ADK: variants seen among roughly 807,000 people sequenced by gnomAD.
ADK encodes the protein N6,N6-dimethyladenosine kinase.
ADK carries 24 observed loss-of-function variants against 44.7 expected under a neutral mutation model. That is an observed-to-expected ratio of 0.54 (90% confidence interval 0.39 to 0.76). ADK has a LOEUF of 0.76. ADK is among the 30% of genes least tolerant of loss of function. ADK has a pLI of 0.00. For synonymous variants in ADK, 128 were observed against 142.6 expected, an observed-to-expected ratio of 0.90 and a Z score of 0.73; for missense variants, 321 against 425.1, an observed-to-expected ratio of 0.76 and a Z score of 2.15.
chr10:74,351,597 G>T (rs7919517), intron 4 of ADK, among the ~76,000 whole-genome samples: 1 of 151,984 alleles, frequency 6.6e-6, no homozygotes, highest in African/African-American at 2.4e-5. Context: ...GAAATAAAGC[G>T]TATTTAAATA....
intron 6 of ADK, among the ~76,000 whole-genome samples, chr10:74,442,147 T>C (rs1845434170): frequency 6.6e-6 from 1 of 151,330 alleles, no homozygotes; most frequent in Non-Finnish European, 1.5e-5. Flanking sequence ...AAAAAATTAC[T>C]CCCCCACCCC....
rs774436108 is a variant in ADK, at chr10:74,200,885, A to G, written c.140+47A>G. ...TGCACTATGTGGAACTTACATTTGAAGAAGAATGGATGAAAACTTTAGAAG... is the reference window on the plus strand; with the variant it reads ...TGCACTATGTGGAACTTACATTTGAGGAAGAATGGATGAAAACTTTAGAAG... On this transcript the variant is annotated intron_variant, in intron 2 of 10. Coordinates refer to ENST00000539909, the MANE Select transcript of ADK (RefSeq NM_006721.4). 20 of 1,234,114 alleles carry G rather than the reference A, an allele frequency of 1.6e-5. No homozygotes were observed. The East Asian group carries it at 4.0e-4, about 24-fold the overall frequency. The allele number at this position is 1,234,114 out of a possible 1,614,324, so 76.4% of individuals were successfully genotyped here.
intron 6 of ADK, among the ~76,000 whole-genome samples, chr10:74,424,567 A>AAAAAAT (rs1844720770): frequency 7.1e-6 from 1 of 140,072 alleles, no homozygotes; most frequent in Non-Finnish European, 1.6e-5. Flanking sequence ...AAAAAAAAAA[A>AAAAAAT]ATTCCCCTGC....
chr10:74,416,560 TTTTG>T (rs1285601744), intron 6 of ADK, among the ~76,000 whole-genome samples: 26 of 114,444 alleles, frequency 2.3e-4, no homozygotes, highest in Non-Finnish European at 4.8e-4. Flanking sequence ...TTGTTTTTGT[TTTTG>T]TTTCTGTTTT....
At chr10:74,574,122 T>C (rs1453926854) in intron 7 of ADK, among the ~76,000 whole-genome samples, 1 of 151,908 alleles carries the variant, frequency 6.6e-6, no homozygotes, top group Non-Finnish European at 1.5e-5. Context: ...AGCTGTAGAC[T>C]GGAGCTGTTC....
chr10:74,263,963 T>A (rs983705021), intron 3 of ADK, among the ~76,000 whole-genome samples: 1 of 152,228 alleles, frequency 6.6e-6, no homozygotes, highest in African/African-American at 2.4e-5. Context: ...CTTGTACTGA[T>A]CTGTTTATGC....
At chr10:74,609,510 C>T (rs1333769130) in intron 9 of ADK, among the ~76,000 whole-genome samples, 4 of 152,142 alleles carry the variant, frequency 2.6e-5, no homozygotes, top group Admixed American at 2.0e-4. Flanking sequence ...CGACCCCTTG[C>T]ACTTCCCCGG....
chr10:74,242,611 C>G (rs1046889855), intron 3 of ADK, among the ~76,000 whole-genome samples: 1 of 152,162 alleles, frequency 6.6e-6, no homozygotes, highest in African/African-American at 2.4e-5. Context: ...GAAACCCCAC[C>G]TCCAAGGTGA....
intron 7 of ADK, among the ~76,000 whole-genome samples, chr10:74,588,706 T>C (rs1851612564): frequency 6.6e-6 from 1 of 152,196 alleles, no homozygotes; most frequent in African/African-American, 2.4e-5. Context: ...TGATGACAGC[T>C]TGATCCTTCC....
At chr10:74,691,853 A>T (rs1856000213) in intron 10 of ADK, among the ~76,000 whole-genome samples, 1 of 152,002 alleles carries the variant, frequency 6.6e-6, no homozygotes, top group Non-Finnish European at 1.5e-5. Flanking sequence ...CAACATCCTG[A>T]GGTTATATGT....
chr10:74,257,121 C>A (rs1004997897), intron 3 of ADK, among the ~76,000 whole-genome samples: 1 of 152,108 alleles, frequency 6.6e-6, no homozygotes, highest in Non-Finnish European at 1.5e-5. Context: ...TTATAGGTTA[C>A]TGAACTTTAT....
At chr10:74,389,931 C>T (rs1222136665) in intron 4 of ADK, among the ~76,000 whole-genome samples, 1 of 152,066 alleles carries the variant, frequency 6.6e-6, no homozygotes, top group South Asian at 2.1e-4. Flanking sequence ...GTAGTTTGAA[C>T]ATGTAGACTC....
intron 3 of ADK, among the ~76,000 whole-genome samples, chr10:74,247,220 T>G (rs1241103076): frequency 2.9e-5 from 4 of 137,388 alleles, no homozygotes; most frequent in Non-Finnish European, 6.2e-5. Flanking sequence ...TTTTTTTTTT[T>G]TAAGTTTTTT....
At chr10:74,472,552 G>T (rs1010834955) in intron 6 of ADK, among the ~76,000 whole-genome samples, 2 of 152,096 alleles carry the variant, frequency 1.3e-5, no homozygotes, top group Non-Finnish European at 2.9e-5. Context: ...ACAAGGTTCA[G>T]TGCTTCCTTT....
At chr10:74,428,412 C>T (rs186155771) in intron 6 of ADK, among the ~76,000 whole-genome samples, 2 of 152,250 alleles carry the variant, frequency 1.3e-5, no homozygotes, top group East Asian at 3.9e-4. Flanking sequence ...GTTAAGTATA[C>T]AGAATCTAGC....
At chr10:74,604,730 C>T (rs2133976505) in intron 9 of ADK, among the ~76,000 whole-genome samples, 1 of 152,266 alleles carries the variant, frequency 6.6e-6, no homozygotes, top group East Asian at 1.9e-4. Context: ...ATTGTCTTGG[C>T]TATACGGGCT....
chr10:74,665,589 G>A (rs1854916682), intron 9 of ADK, among the ~76,000 whole-genome samples: 2 of 151,940 alleles, frequency 1.3e-5, no homozygotes, highest in Non-Finnish European at 2.9e-5. Context: ...TTAAAAATTA[G>A]CCAGGCATGT....
rs1161213819 is a variant in ADK at position 74,462,408 on chromosome 10, G to GA, written c.556-62841dup. ...AAAATTTTGTAAATCAACCTACAGA[G>GA]AAAAAAAGTATAGAAAGTATTTTGA... On this transcript the variant is annotated intron_variant, in intron 6 of 10. Transcript: ENST00000539909. Among the ~76,000 whole-genome samples, 4 of 152,034 alleles carry GA rather than the reference G, an allele frequency of 2.6e-5. No individual in the cohort carries two copies. The East Asian group carries it at 7.7e-4, about 29-fold the overall frequency.
At chr10:74,504,320 T>A (rs921882599) in intron 6 of ADK, among the ~76,000 whole-genome samples, 2 of 151,678 alleles carry the variant, frequency 1.3e-5, no homozygotes, top group African/African-American at 4.8e-5. Flanking sequence ...GCTTGAAGAG[T>A]GTGCAGTATT....
Sources: gnomAD v4.1 joint callset for allele counts (sites outside exome capture counted in the v4.1 genomes callset) on GRCh38, gnomAD v4.1.1 for gene constraint, MANE v1.5 for transcripts, NCBI Gene and HGNC (gene_info 2026-07-23, HGNC 2026-07-21) for gene names.